The following SLC39A11 variants were observed in gnomAD, a reference collection of about 807,000 sequenced individuals.
SLC39A11 encodes the protein zinc transporter ZIP11.
A neutral mutation model predicts 36.1 loss-of-function variants in SLC39A11; 33 were observed. That is an observed-to-expected ratio of 0.91 (90% CI 0.69 to 1.22). The LOEUF (loss-of-function observed/expected upper bound fraction) is 1.22. Ranked by LOEUF, SLC39A11 falls within the 50% of genes most tolerant of loss-of-function variation. The pLI, the probability that SLC39A11 is intolerant of heterozygous loss-of-function variation, is 0.00. For synonymous variants in SLC39A11, 166 were observed against 170.3 expected (o/e 0.97, Z 0.20); for missense variants, 432 against 430.3 (o/e 1.00, Z -0.03).
intron 6 of SLC39A11, among the ~76,000 whole-genome samples, chr17:72,830,479 TC>T (rs2078232759): frequency 6.6e-6 from 1 of 152,174 alleles, no homozygotes; most frequent in Non-Finnish European, 1.5e-5. Context: ...GAAAACACTT[TC>T]TTCCAACTGT....
At chr17:72,787,253 C>CTT (rs56100121) in intron 6 of SLC39A11, among the ~76,000 whole-genome samples, 36,561 of 80,500 alleles carry the variant, frequency 0.45, 10,285 homozygotes, top group Non-Finnish European at 0.54. Context: ...TAACCCATGG[C>CTT]TTTTTTTTTT....
At chr17:72,739,813 C>T (rs1221170127) in intron 6 of SLC39A11, among the ~76,000 whole-genome samples, 1 of 152,100 alleles carries the variant, frequency 6.6e-6, no homozygotes, top group Admixed American at 6.5e-5. Context: ...ACAGTGGACC[C>T]TTGAACAATG....
At position 72,849,685 on chromosome 17, in the gene SLC39A11, A is replaced by T; in HGVS notation, c.550T>A (p.Trp184Arg). The part of the protein sequence containing the change: ...GNLAQPGGSS[W>R]RRIALLILAI... ...AAGATGAGCAGTGCGATCCTCCTCCAGCTGCTGCCGCCGGGCTGTGCCAGA... is the reference window on the plus strand; with the variant it reads ...AAGATGAGCAGTGCGATCCTCCTCCTGCTGCTGCCGCCGGGCTGTGCCAGA... Residue 184 changes from tryptophan (W) to arginine (R), a missense_variant, in exon 6 of 10, where the codon TGG becomes AGG. Trp to Arg is a moderately radical substitution (Grantham distance 101). Transcript: ENST00000255559. 6.2e-7 allele frequency: 1 copy of T among 1,609,198 alleles called. No homozygotes were observed. The highest frequency in any genetic ancestry group is 8.5e-7 in the Non-Finnish European group (1 of 1,178,040).
intron 4 of SLC39A11, among the ~76,000 whole-genome samples, chr17:73,029,769 A>G (rs918689782): frequency 1.3e-5 from 2 of 152,018 alleles, no homozygotes; most frequent in African/African-American, 2.4e-5. Flanking sequence ...TTTAGTAAAG[A>G]TGGGGTTTCT....
At chr17:72,677,669 A>G (rs2071332366) in intron 7 of SLC39A11, among the ~76,000 whole-genome samples, 1 of 152,200 alleles carries the variant, frequency 6.6e-6, no homozygotes, top group African/African-American at 2.4e-5. Flanking sequence ...GTTAAAGCAC[A>G]GACCGTGGGC....
In SLC39A11 at chr17:72,812,826, G is replaced by C. The variant is rs1005254383; in HGVS notation, c.601+36808C>G. Among the ~76,000 whole-genome samples the C allele has an allele frequency of 5.3e-5, 8 of 152,118 alleles. 1 individual carries two copies. Among genetic ancestry groups the C allele is most frequent in the Non-Finnish European group, 1.0e-4 (7 of 68,014 alleles). On this transcript the variant is annotated intron_variant, in intron 6 of 9. Transcript: ENST00000255559. ...GTCATTTAAGAAGGCATTGTGCTTG[G>C]GGGGGTTTAGTTTTCATAAGCTCAG...
chr17:73,030,848 C>A (rs1326533619), intron 4 of SLC39A11, among the ~76,000 whole-genome samples: 1 of 152,220 alleles, frequency 6.6e-6, no homozygotes, highest in Non-Finnish European at 1.5e-5. Context: ...GTGATCACAG[C>A]CACATGCCAG....
intron 6 of SLC39A11, among the ~76,000 whole-genome samples, chr17:72,737,158 C>A (rs1029842900): frequency 6.6e-6 from 1 of 152,044 alleles, no homozygotes; most frequent in East Asian, 1.9e-4. Context: ...CACCTGTAAT[C>A]CCAGCGACTC....
At chr17:72,713,858 A>G (rs1048616986) in intron 7 of SLC39A11, among the ~76,000 whole-genome samples, 1 of 152,140 alleles carries the variant, frequency 6.6e-6, no homozygotes, top group African/African-American at 2.4e-5. Flanking sequence ...TGAATCCCCC[A>G]ACACTTTGAC....
chr17:72,706,294 C>T (rs1277793364), intron 7 of SLC39A11, among the ~76,000 whole-genome samples: 5 of 152,128 alleles, frequency 3.3e-5, no homozygotes, highest in African/African-American at 4.8e-5. Flanking sequence ...GGGGAGTTTG[C>T]TTGTCTAAAG....
chr17:73,047,252 C>T (rs2059328649), intron 3 of SLC39A11, among the ~76,000 whole-genome samples: 1 of 151,754 alleles, frequency 6.6e-6, no homozygotes, highest in Non-Finnish European at 1.5e-5. Flanking sequence ...TCTCGATCTC[C>T]TGACCTCGTG....
chr17:72,894,498 CT>C (rs1231804827), intron 5 of SLC39A11, among the ~76,000 whole-genome samples: 1,050 of 98,344 alleles, frequency 0.011, 16 homozygotes, highest in African/African-American at 0.042. Context: ...CTCATCCCTA[CT>C]AAAAAAAAAA....
At chr17:72,750,456 T>C (rs768301889) in intron 6 of SLC39A11, among the ~76,000 whole-genome samples, 8 of 151,668 alleles carry the variant, frequency 5.3e-5, no homozygotes, top group Admixed American at 1.3e-4. Flanking sequence ...GACTTATTTA[T>C]GTTTTTGTAA....
rs188425009 is a variant in SLC39A11 at position 72,961,127 on chromosome 17, C to T, written c.307-13252G>A. Among the ~76,000 whole-genome samples the T allele has an allele frequency of 2.1e-3, 327 of 152,298 alleles. 1 individual carries two copies. Among genetic ancestry groups the T allele is most frequent in the African/African-American group, 7.7e-3 (322 of 41,550 alleles). On this transcript the variant is annotated intron_variant, in intron 4 of 9. Coordinates refer to ENST00000255559, the MANE Select transcript of SLC39A11 (RefSeq NM_139177.4). ...GGACTGATGGCTCAGGAGGCCTGTT[C>T]TCATCACCTTCTGGTGAGACCTCCG...
At position 72,837,834 on chromosome 17, in the gene SLC39A11, C is replaced by T. The variant is rs553740069; in HGVS notation, c.601+11800G>A. 3.2e-5 allele frequency: 24 copies of T among 753,500 alleles called. No individual in the cohort carries two copies. The South Asian group carries it at 1.4e-3, about 45-fold the overall frequency. 46.7% of individuals were successfully genotyped at this position (753,500 alleles called of 1,614,324 possible). On this transcript the variant is annotated intron_variant, in intron 6 of 9. Coordinates refer to ENST00000255559, the MANE Select transcript of SLC39A11 (RefSeq NM_139177.4). ...ATACCGTTTAAATGAAAGTCAGTCC[C>T]GGTTAGGGAAACTGTAGAGACAAAG...
rs202051609 is a variant in SLC39A11, at chr17:73,051,821, G to GTAC, written c.148-20110_148-20108dup. ...TGCAGTCAGCTGAGATCTCGCCACT[G>GTAC]TACTGCAGCCTGGGTGACAAAGCGA... On this transcript the variant is annotated intron_variant, in intron 3 of 9. Transcript: ENST00000255559. 2.2e-4 allele frequency among the ~76,000 whole-genome samples: 32 copies of GTAC among 146,452 alleles called. No homozygotes were observed. The East Asian group carries it at 5.9e-3, about 27-fold the overall frequency.
At chr17:72,792,387 T>C (rs368311359) in intron 6 of SLC39A11, among the ~76,000 whole-genome samples, 21 of 152,286 alleles carry the variant, frequency 1.4e-4, no homozygotes, top group African/African-American at 3.1e-4. Context: ...CTGGGTGCAG[T>C]TGGTCTGGTT....
intron 6 of SLC39A11, among the ~76,000 whole-genome samples, chr17:72,784,446 A>G (rs1340127858): frequency 1.5e-4 from 23 of 152,216 alleles, no homozygotes; most frequent in Admixed American, 1.4e-3. Context: ...CAGAATGTCA[A>G]CGTAGTGCAG....
chr17:72,793,277 C>A (rs1046618700), intron 6 of SLC39A11, among the ~76,000 whole-genome samples: 5 of 152,056 alleles, frequency 3.3e-5, no homozygotes, highest in African/African-American at 1.2e-4. Flanking sequence ...GTCACAGATT[C>A]CCAGGGTGCC....
Sources: gnomAD v4.1 joint callset for allele counts (sites outside exome capture counted in the v4.1 genomes callset) on GRCh38, gnomAD v4.1.1 for gene constraint, MANE v1.5 for transcripts, NCBI Gene and HGNC (gene_info 2026-07-23, HGNC 2026-07-21) for gene names.